The following BRDT variants were observed in gnomAD, a reference collection of about 807,000 sequenced individuals.
The protein encoded by BRDT is bromodomain testis-specific protein.
A neutral mutation model predicts 113.9 loss-of-function variants in BRDT; 77 were observed. The observed-to-expected ratio is 0.68, with a 90% CI of 0.56 to 0.82. The LOEUF (loss-of-function observed/expected upper bound fraction) is 0.82, where lower values mean the gene tolerates loss of function less well. BRDT is among the 40% of genes least tolerant of loss of function. The pLI is 0.00. For missense variants in BRDT, 1,027 were observed against 1,105.4 expected, an observed-to-expected ratio of 0.93 and a Z score of 1.01; for synonymous variants, 358 against 366.5, an observed-to-expected ratio of 0.98 and a Z score of 0.26.
intron 16 of BRDT, among the ~76,000 whole-genome samples, chr1:92,003,898 C>T (rs1687064905): frequency 6.6e-6 from 1 of 152,096 alleles, no homozygotes; most frequent in Non-Finnish European, 1.5e-5. Flanking sequence ...GCACTAACCT[C>T]AACCATGGTG....
At chr1:91,963,107 T>C (rs773576169) in intron 2 of BRDT, among the ~76,000 whole-genome samples, 161 bp downstream of exon 2, 2 of 152,158 alleles carry the variant, frequency 1.3e-5, no homozygotes, top group Non-Finnish European at 2.9e-5. Flanking sequence ...GGAGATCACC[T>C]GAGGTCGGGA....
intron 4 of BRDT, among the ~76,000 whole-genome samples, chr1:91,968,965 T>C (rs1683344557): frequency 6.6e-6 from 1 of 151,602 alleles, no homozygotes; most frequent in Admixed American, 6.6e-5. Flanking sequence ...AGACGGAGTC[T>C]TCACTCTGTC....
chr1:91,985,855 G>C (rs2101706489), intron 12 of BRDT, among the ~76,000 whole-genome samples: 1 of 150,524 alleles, frequency 6.6e-6, no homozygotes, highest in Non-Finnish European at 1.5e-5. Context: ...AGCCAGGATG[G>C]TCTCGATCTC....
chr1:91,978,076 G>T, intron 6 of BRDT, 92 bp from the exon 7 acceptor site: 1 of 1,205,772 alleles, frequency 8.3e-7, no homozygotes, highest in Non-Finnish European at 1.1e-6. Context: ...CTGTATATTT[G>T]AATTATTTTG....
intron 12 of BRDT, among the ~76,000 whole-genome samples, chr1:91,990,182 G>T (rs1413786395): frequency 1.3e-5 from 2 of 152,166 alleles, no homozygotes; most frequent in East Asian, 3.9e-4. Flanking sequence ...GAACCGTGTT[G>T]GAGAGATCTC....
intron 1 of BRDT, among the ~76,000 whole-genome samples, chr1:91,961,861 A>G (rs1445926279): frequency 6.6e-6 from 1 of 152,086 alleles, no homozygotes; most frequent in African/African-American, 2.4e-5. Flanking sequence ...GAAATAATTT[A>G]AAACAGCCAA....
intron 4 of BRDT, among the ~76,000 whole-genome samples, chr1:91,973,885 A>G (rs1171131822): frequency 6.6e-6 from 1 of 152,152 alleles, no homozygotes; most frequent in Non-Finnish European, 1.5e-5. Flanking sequence ...TTTTCAAACT[A>G]TACTACAAGG....
chr1:91,966,240 A>C (rs1683052456), intron 3 of BRDT, among the ~76,000 whole-genome samples: 1 of 152,150 alleles, frequency 6.6e-6, no homozygotes, highest in African/African-American at 2.4e-5. Flanking sequence ...TTTAAAGCTT[A>C]TATCTCATTT....
intron 4 of BRDT, among the ~76,000 whole-genome samples, chr1:91,972,590 T>A (rs540955033): frequency 4.6e-5 from 7 of 152,356 alleles, no homozygotes; most frequent in Admixed American, 2.0e-4. Context: ...GTTTCTCTCA[T>A]GTAACAAGTA....
At chr1:91,984,566 A>G (rs1410826054) in intron 12 of BRDT, among the ~76,000 whole-genome samples, 1 of 152,234 alleles carries the variant, frequency 6.6e-6, no homozygotes, top group East Asian at 1.9e-4. Context: ...CAAAAGCTTT[A>G]TCTGCTACAT....
chr1:91,960,661 TAAAAA>T (rs987213785), intron 1 of BRDT, among the ~76,000 whole-genome samples: 4 of 152,180 alleles, frequency 2.6e-5, no homozygotes, highest in Non-Finnish European at 5.9e-5. Flanking sequence ...ACTGTACACT[TAAAAA>T]GAGTATGGTA....
intron 15 of BRDT, 53 bp downstream of exon 15, chr1:91,994,307 AT>A (rs1557854047): frequency 6.6e-6 from 9 of 1,359,888 alleles, no homozygotes; most frequent in Non-Finnish European, 9.0e-6. Flanking sequence ...TTCTAAACCT[AT>A]ACATATATGA....
chr1:91,992,190 T>G (rs1302915101), intron 13 of BRDT, 74 bp from the exon 14 acceptor site: 1 of 804,454 alleles, frequency 1.2e-6, no homozygotes, highest in Non-Finnish European at 1.8e-6. Flanking sequence ...GAGCTCTAAT[T>G]TGTGAAAAAG....
At chr1:92,003,960 A>G (rs1687071098) in intron 16 of BRDT, among the ~76,000 whole-genome samples, 1 of 152,168 alleles carries the variant, frequency 6.6e-6, no homozygotes, top group Admixed American at 6.5e-5. Context: ...CTTCTTAACC[A>G]CCAAAAGGAA....
intron 1 of BRDT, among the ~76,000 whole-genome samples, chr1:91,959,194 G>A (rs556850845): frequency 2.0e-5 from 3 of 152,180 alleles, no homozygotes; most frequent in East Asian, 1.9e-4. Context: ...AAACAAAAAC[G>A]TAATACATAG....
chr1:91,961,423 T>A (rs1038075549), intron 1 of BRDT, among the ~76,000 whole-genome samples: 1 of 151,664 alleles, frequency 6.6e-6, no homozygotes, highest in African/African-American at 2.4e-5. Context: ...TGAGGTCAGG[T>A]TTTTGAGACC....
Position 91,978,184 on chromosome 1 carries a change from A to G in BRDT, c.986A>G (p.Gln329Arg). Reference sequence around the variant, plus strand: ...TTAATTTAGGAGAAAATGGATAACCAAGAATATAAGGATGCATACAAATTT... The same window carrying G: ...TTAATTTAGGAGAAAATGGATAACCGAGAATATAAGGATGCATACAAATTT... ...LGTIKEKMDN[Q>R]EYKDAYKFAA... is the part of the protein sequence containing the mutation. The change falls in exon 7 of 19, where the codon CAA (glutamine) becomes CGA (arginine). Residue 329 changes from glutamine (Q) to arginine (R), a missense_variant. Physicochemically the swap from Gln to Arg is conservative, Grantham distance 43 (BLOSUM62 1). Transcript: ENST00000399546. The G allele has an allele frequency of 1.9e-6, 3 of 1,613,076 alleles. No individual in the cohort carries two copies. Among genetic ancestry groups the G allele is most frequent in the Non-Finnish European group, 2.5e-6 (3 of 1,179,284 alleles).
chr1:92,007,008 C>T (rs1269759489), intron 18 of BRDT, among the ~76,000 whole-genome samples: 3 of 151,978 alleles, frequency 2.0e-5, no homozygotes, highest in Admixed American at 6.6e-5. Flanking sequence ...AGGCTGGTCT[C>T]GGACTCCTGA....
intron 15 of BRDT, among the ~76,000 whole-genome samples, chr1:92,000,235 TACCAAC>T (rs1343641181): frequency 2.0e-5 from 3 of 152,216 alleles, no homozygotes. Context: ...TATCACCACT[TACCAAC>T]TTAGAGTCAG....
Sources: allele counts gnomAD v4.1 joint callset (sites outside exome capture counted in the v4.1 genomes callset), GRCh38; gene constraint gnomAD v4.1.1; transcripts MANE v1.5; gene names NCBI Gene and HGNC (gene_info 2026-07-23, HGNC 2026-07-21).